Variants in WDR41 observed in about 807,000 individuals in gnomAD.
WDR41 encodes the protein WD repeat domain 41.
In WDR41, 63 loss-of-function variants were observed where a neutral mutation model predicts 69.3. The observed-to-expected ratio is 0.91, with a 90% CI of 0.74 to 1.12. The LOEUF (loss-of-function observed/expected upper bound fraction) is 1.12. WDR41 is among the 50% of genes most tolerant of loss of function. WDR41 has a pLI of 0.00. For synonymous variants in WDR41, 185 were observed against 192.1 expected (o/e 0.96, Z 0.31); for missense variants, 543 against 534.5 (o/e 1.02, Z -0.16).
At chr5:77,490,804 T>C (rs163022) in intron 1 of WDR41, among the ~76,000 whole-genome samples, 23,888 of 152,140 alleles carry the variant, frequency 0.16, 2,581 homozygotes, top group African/African-American at 0.28. Flanking sequence ...ATACCATATA[T>C]GGCTATTCAA....
intron 1 of WDR41, among the ~76,000 whole-genome samples, chr5:77,548,716 G>A (rs1291942454): frequency 6.6e-6 from 1 of 152,186 alleles, no homozygotes; most frequent in African/African-American, 2.4e-5. Flanking sequence ...AGAAAACAGT[G>A]TGGAGATTCC....
At chr5:77,579,813 A>G (rs1032259509) in intron 1 of WDR41, among the ~76,000 whole-genome samples, 1 of 152,240 alleles carries the variant, frequency 6.6e-6, no homozygotes, top group African/African-American at 2.4e-5. Flanking sequence ...TGATTTAAAA[A>G]TTAATTGTAT....
In WDR41 at chr5:77,586,449, G is replaced by T. The variant is rs1234715570; in HGVS notation, c.42+34030C>A. ...AGCCTCTCCAGTAATTGAAACTACA[G>T]GTGTGTGCCATCAGGCCCAGCTAAG... On this transcript the variant is annotated intron_variant, in intron 1 of 5. Transcript: ENST00000509971. 2.0e-5 allele frequency among the ~76,000 whole-genome samples: 3 copies of T among 152,122 alleles called. No homozygotes were observed. The East Asian group carries it at 5.8e-4, about 29-fold the overall frequency.
At chr5:77,475,545 C>A (rs1008705646) in intron 2 of WDR41, among the ~76,000 whole-genome samples, 8 of 152,132 alleles carry the variant, frequency 5.3e-5, no homozygotes, top group African/African-American at 1.7e-4. Context: ...TGGGAGGCAC[C>A]CCCCAGAAGG....
intron 12 of WDR41, among the ~76,000 whole-genome samples, chr5:77,435,281 A>C (rs1322846711): frequency 6.6e-6 from 1 of 152,238 alleles, no homozygotes; most frequent in African/African-American, 2.4e-5. Context: ...TCAAGTGTCA[A>C]GTCCTATATC....
At chr5:77,613,442 C>T (rs1314607897) in intron 1 of WDR41, among the ~76,000 whole-genome samples, 1 of 151,934 alleles carries the variant, frequency 6.6e-6, no homozygotes, top group Non-Finnish European at 1.5e-5. Context: ...GGTACCAAAA[C>T]AGAGATATAG....
chr5:77,603,427 G>T (rs565128561), intron 1 of WDR41, among the ~76,000 whole-genome samples: 2 of 152,196 alleles, frequency 1.3e-5, no homozygotes, highest in African/African-American at 4.8e-5. Context: ...ATGGTTTTTG[G>T]TTTTTACTAT....
chr5:77,472,604 A>T (rs1006768185), intron 2 of WDR41, among the ~76,000 whole-genome samples: 19 of 152,156 alleles, frequency 1.2e-4, no homozygotes, highest in Admixed American at 1.1e-3. Context: ...ATGTGCAAAA[A>T]TCACAAGCAT....
At chr5:77,482,680 A>G (rs1385684951) in intron 2 of WDR41, among the ~76,000 whole-genome samples, 1 of 152,110 alleles carries the variant, frequency 6.6e-6, no homozygotes, top group African/African-American at 2.4e-5. Context: ...ATTTCTGGCT[A>G]TCTTGTGTGT....
At chr5:77,576,448 C>G (rs965499447) in intron 1 of WDR41, among the ~76,000 whole-genome samples, 1 of 152,144 alleles carries the variant, frequency 6.6e-6, no homozygotes, top group South Asian at 2.1e-4. Context: ...TTTCTAGCCC[C>G]TAACACTGAC....
intron 1 of WDR41, among the ~76,000 whole-genome samples, chr5:77,498,698 G>A (rs1213873454): frequency 6.6e-6 from 1 of 151,536 alleles, no homozygotes; most frequent in African/African-American, 2.4e-5. Context: ...AGGTGCCTGT[G>A]GTTCCAGTAA....
In WDR41 at chr5:77,475,504, T is replaced by C. The variant is rs1239480646; in HGVS notation, c.168-10695A>G. 2.0e-5 allele frequency among the ~76,000 whole-genome samples: 3 copies of C among 151,982 alleles called. No individual in the cohort carries two copies. The East Asian group carries it at 5.8e-4, about 29-fold the overall frequency. ...CGGGCAGACTGCCTCCTCAAGTGGG[T>C]CCCTGACCCCTGACCCCCGAGCAGC... On this transcript the variant is annotated intron_variant, in intron 2 of 12. Coordinates refer to ENST00000296679, the MANE Select transcript of WDR41 (RefSeq NM_018268.4).
At chr5:77,571,746 T>A (rs1743737347) in intron 1 of WDR41, among the ~76,000 whole-genome samples, 1 of 152,206 alleles carries the variant, frequency 6.6e-6, no homozygotes, top group Non-Finnish European at 1.5e-5. Context: ...TTGCTGCTTT[T>A]GAAGTTAATA....
At chr5:77,441,282 C>A (rs1254032900) in intron 8 of WDR41, among the ~76,000 whole-genome samples, 1 of 151,994 alleles carries the variant, frequency 6.6e-6, no homozygotes, top group Non-Finnish European at 1.5e-5. Context: ...AGTAAAAGAA[C>A]CTTATCTTGT....
At chr5:77,613,203 A>G (rs1324024901) in intron 1 of WDR41, among the ~76,000 whole-genome samples, 1 of 152,228 alleles carries the variant, frequency 6.6e-6, no homozygotes, top group African/African-American at 2.4e-5. Flanking sequence ...CAATATCATG[A>G]AAATGGCCAT....
chr5:77,543,003 C>T (rs1025779893), intron 1 of WDR41, among the ~76,000 whole-genome samples: 1 of 152,146 alleles, frequency 6.6e-6, no homozygotes, highest in Non-Finnish European at 1.5e-5. Context: ...ACCCCCACTA[C>T]CAGCCCAGAG....
At chr5:77,564,819 T>C (rs1226016624) in intron 1 of WDR41, among the ~76,000 whole-genome samples, 1 of 152,176 alleles carries the variant, frequency 6.6e-6, no homozygotes, top group Non-Finnish European at 1.5e-5. Context: ...AACTACCATA[T>C]ACTCAAACTC....
intron 1 of WDR41, among the ~76,000 whole-genome samples, chr5:77,613,382 T>C (rs1286522031): frequency 1.3e-5 from 2 of 152,064 alleles, no homozygotes; most frequent in African/African-American, 4.8e-5. Flanking sequence ...TCATGCTACC[T>C]GACTTCAAAC....
At chr5:77,594,373 C>A (rs1422731473) in intron 1 of WDR41, among the ~76,000 whole-genome samples, 1 of 151,346 alleles carries the variant, frequency 6.6e-6, no homozygotes, top group East Asian at 1.9e-4. Context: ...ATGTAACAAA[C>A]CTGCACATTG....
Sources: allele counts gnomAD v4.1 joint callset (sites outside exome capture counted in the v4.1 genomes callset), GRCh38; gene constraint gnomAD v4.1.1; transcripts MANE v1.5; gene names NCBI Gene and HGNC (gene_info 2026-07-23, HGNC 2026-07-21).